CHST11: variants seen among roughly 807,000 people sequenced by gnomAD.
CHST11 encodes the protein carbohydrate sulfotransferase 11, also known as C4S-1.
In CHST11, 9 loss-of-function variants were observed where a neutral mutation model predicts 30.4. The observed-to-expected ratio is 0.30, with a 90% confidence interval of 0.18 to 0.52. The LOEUF (loss-of-function observed/expected upper bound fraction) is 0.52. Among genes scored for constraint, CHST11 ranks in the 20% least tolerant of loss-of-function variants. The probability of loss-of-function intolerance (pLI) is 0.97; values close to 1 mark genes in which losing one functional copy is unlikely to be tolerated. For synonymous variants in CHST11, 152 were observed against 187.8 expected (o/e 0.81, Z 1.56); for missense variants, 348 against 460.6 (o/e 0.76, Z 2.24).
At chr12:104,579,563 T>G (rs977052796) in intron 1 of CHST11, among the ~76,000 whole-genome samples, 2 of 152,200 alleles carry the variant, frequency 1.3e-5, no homozygotes, top group African/African-American at 4.8e-5. Flanking sequence ...ATGTCAGAAA[T>G]GGGCTACTAT....
intron 2 of CHST11, among the ~76,000 whole-genome samples, chr12:104,748,525 C>T (rs143604265): frequency 1.5e-3 from 216 of 147,728 alleles, no homozygotes; most frequent in African/African-American, 5.3e-3. Context: ...ACACCTGGAG[C>T]GCATGCCCGG....
chr12:104,529,048 C>T (rs1207740446), intron 1 of CHST11, among the ~76,000 whole-genome samples: 2 of 152,172 alleles, frequency 1.3e-5, no homozygotes, highest in Non-Finnish European at 1.5e-5. Context: ...TCTCATTTTA[C>T]CTTAGTGCTC....
chr12:104,541,790 C>G (rs1379149291), intron 1 of CHST11, among the ~76,000 whole-genome samples: 1 of 152,126 alleles, frequency 6.6e-6, no homozygotes, highest in Admixed American at 6.5e-5. Flanking sequence ...TAGTTAGGCA[C>G]GGAGGCAGGT....
intron 2 of CHST11, among the ~76,000 whole-genome samples, chr12:104,756,429 G>A (rs79880402): frequency 0.016 from 2,443 of 152,242 alleles, 74 homozygotes; most frequent in African/African-American, 0.057. Context: ...GAGGCTGACA[G>A]CTCTCTGCCC....
rs2040527633 is a variant in CHST11 at position 104,761,638 on chromosome 12, A to G, written c.*3835A>G. The G allele has an allele frequency of 6.6e-6, 1 of 152,334 alleles. No homozygotes were observed. Among genetic ancestry groups the G allele is most frequent in the African/African-American group, 2.4e-5 (1 of 41,442 alleles). The allele number at this position is 152,334 out of a possible 1,614,324, so 9.4% of individuals were successfully genotyped here. A position where few individuals can be genotyped will look rare whatever the true frequency, so the allele number is the denominator to read the frequency against. ...CCTCCAACCTTTTTCCATCACAACC[A>G]GTTAGAACCCTACAGGCAACAAGGC... On this transcript the variant is annotated 3_prime_UTR_variant, in exon 3 of 3. Transcript: ENST00000303694.
At chr12:104,498,666 C>T (rs1410485977) in intron 1 of CHST11, among the ~76,000 whole-genome samples, 1 of 152,168 alleles carries the variant, frequency 6.6e-6, no homozygotes, top group Non-Finnish European at 1.5e-5. Flanking sequence ...TCTGGGTTAT[C>T]CAACTTGTTG....
rs1023049855 is a variant in CHST11 at position 104,757,708 on chromosome 12, A to G, written c.964A>G (p.Ile322Val). The change falls in exon 3 of 3, where the codon ATC becomes GTC. Residue 322 changes from isoleucine (I) to valine (V), a missense_variant. This residue lies in a region of CHST11 where 210 missense variants were observed against 287.2 expected (regional missense o/e 0.73). Transcript: ENST00000303694. This position sits in a 1 kb window ranked among gnomAD's most constrained non-coding sequence, Gnocchi z 6.5. ...AATGACCACAGAATTCTTCCAGAACATCAGCTCAGAGCACCAAACGCAGCT... is the reference window on the plus strand; with the variant it reads ...AATGACCACAGAATTCTTCCAGAACGTCAGCTCAGAGCACCAAACGCAGCT... ...DEMTTEFFQN[I>V]SSEHQTQLYE... 1 of 1,614,220 alleles carries G rather than the reference A, an allele frequency of 6.2e-7. No individual in the cohort carries two copies. The highest frequency in any genetic ancestry group is 8.5e-7 in the Non-Finnish European group (1 of 1,180,038).
intron 2 of CHST11, among the ~76,000 whole-genome samples, chr12:104,624,034 G>A (rs1296200658): frequency 6.6e-6 from 1 of 152,194 alleles, no homozygotes; most frequent in Non-Finnish European, 1.5e-5. Context: ...GGCTGGGGGA[G>A]TGAAGCCTGC....
chr12:104,601,203 G>A (rs1209710394), intron 1 of CHST11, among the ~76,000 whole-genome samples: 2 of 152,006 alleles, frequency 1.3e-5, no homozygotes, highest in African/African-American at 4.8e-5. Flanking sequence ...TGCACAGAGT[G>A]AACAAGAAAA....
rs533634692 is a variant in CHST11, at chr12:104,617,704, G to A, written c.204+15713G>A. Among the ~76,000 whole-genome samples, 27 of 152,176 alleles carry A rather than the reference G, an allele frequency of 1.8e-4. No homozygotes were observed. The South Asian group carries it at 5.2e-3, about 29-fold the overall frequency. The stretch of plus-strand genomic sequence containing the variant: ...TGGGTTCTCAGAGTCAGGTTGCCTC[G>A]GTTCAAATTTATACTTACTGGCAGA... On this transcript the variant is annotated intron_variant, in intron 2 of 2. Coordinates refer to ENST00000303694, the MANE Select transcript of CHST11 (RefSeq NM_018413.6).
intron 2 of CHST11, among the ~76,000 whole-genome samples, chr12:104,702,830 G>C (rs2040001055): frequency 6.6e-6 from 1 of 152,216 alleles, no homozygotes; most frequent in African/African-American, 2.4e-5. Flanking sequence ...CAGCGGGTCG[G>C]CGAGAGTCGA....
chr12:104,603,041 C>T (rs2038972185), intron 2 of CHST11, among the ~76,000 whole-genome samples: 1 of 152,156 alleles, frequency 6.6e-6, no homozygotes, highest in Non-Finnish European at 1.5e-5. Context: ...TGAGGTGTGA[C>T]TTGGCCAGAT....
chr12:104,505,927 T>C (rs2037900260), intron 1 of CHST11, among the ~76,000 whole-genome samples: 1 of 152,234 alleles, frequency 6.6e-6, no homozygotes, highest in East Asian at 1.9e-4. Flanking sequence ...TAAAGATTAC[T>C]AGCATTGTTT....
intron 2 of CHST11, among the ~76,000 whole-genome samples, chr12:104,648,373 T>C (rs540241645): frequency 6.6e-6 from 1 of 152,370 alleles, no homozygotes; most frequent in South Asian, 2.1e-4. Context: ...TACCCAAAGC[T>C]GCCTCCCATT....
At chr12:104,704,728 C>T (rs2040018287) in intron 2 of CHST11, among the ~76,000 whole-genome samples, 1 of 152,100 alleles carries the variant, frequency 6.6e-6, no homozygotes, top group Non-Finnish European at 1.5e-5. Flanking sequence ...GCCCCAGAAC[C>T]CTGGCCTTTG....
At position 104,732,199 on chromosome 12, in the gene CHST11, G is replaced by T. The variant is rs769661903; in HGVS notation, c.205-24750G>T. Among the ~76,000 whole-genome samples the T allele has an allele frequency of 2.0e-5, 3 of 152,212 alleles. No homozygotes were observed. In the South Asian group the frequency reaches 6.2e-4, roughly 32 times the overall value. On this transcript the variant is annotated intron_variant, in intron 2 of 2. Transcript: ENST00000303694. The stretch of plus-strand genomic sequence containing the variant: ...GTGGTGGCTGGGCCCCCTGGGGTTC[G>T]TGAGCTTTGCTGGCATGGACCTGGC...
At chr12:104,755,321 ACT>A (rs1000087994) in intron 2 of CHST11, among the ~76,000 whole-genome samples, 1 of 152,086 alleles carries the variant, frequency 6.6e-6, no homozygotes, top group African/African-American at 2.4e-5. Flanking sequence ...GGAGGCGGTG[ACT>A]CTGGGGCTCC....
intron 2 of CHST11, among the ~76,000 whole-genome samples, chr12:104,750,451 T>G (rs1322419595): frequency 5.9e-5 from 7 of 118,694 alleles, no homozygotes; most frequent in African/African-American, 2.5e-4. Context: ...TTTTTTTTTT[T>G]TTTTTGTTGA....
chr12:104,726,208 AT>A (rs2040215210), intron 2 of CHST11, among the ~76,000 whole-genome samples: 2 of 152,350 alleles, frequency 1.3e-5, no homozygotes, highest in East Asian at 3.9e-4. Flanking sequence ...AGACTCTTTA[AT>A]TCTTTGCTTT....
Sources: gnomAD v4.1 joint callset for allele counts (sites outside exome capture counted in the v4.1 genomes callset) on GRCh38, gnomAD v4.1.1 for gene constraint, gnomAD v4.1.1 regional missense constraint, Gnocchi (gnomAD v3.1) non-coding constraint, MANE v1.5 for transcripts, NCBI Gene and HGNC (gene_info 2026-07-23, HGNC 2026-07-21) for gene names.